The following SLC10A7 variants were observed in gnomAD, a reference collection of about 807,000 sequenced individuals.
The protein encoded by SLC10A7 is solute carrier family 10 member 7.
SLC10A7 carries 29 observed loss-of-function variants against 43.2 expected under a neutral mutation model. The ratio of observed to expected loss-of-function variants is 0.67; its 90% CI spans 0.50 to 0.92. The LOEUF is 0.92. Ranked by LOEUF, SLC10A7 falls within the 40% of genes least tolerant of loss-of-function variation. The pLI, the probability that SLC10A7 is intolerant of heterozygous loss-of-function variation, is 0.00. For missense variants in SLC10A7, 295 were observed against 403.2 expected, an observed-to-expected ratio of 0.73 and a Z score of 2.30; for synonymous variants, 152 against 144.8, an observed-to-expected ratio of 1.05 and a Z score of -0.35.
intron 4 of SLC10A7, among the ~76,000 whole-genome samples, chr4:146,481,730 G>T (rs977237152): frequency 1.3e-5 from 2 of 152,132 alleles, no homozygotes; most frequent in Non-Finnish European, 2.9e-5. Context: ...TCATGCCTTG[G>T]AGAGTGAAGT....
intron 5 of SLC10A7, among the ~76,000 whole-genome samples, chr4:146,415,234 C>T (rs565847792): frequency 1.3e-5 from 2 of 152,250 alleles, no homozygotes; most frequent in South Asian, 4.1e-4. Flanking sequence ...ATTCCTTCAG[C>T]TACATGACAT....
chr4:146,387,900 A>G (rs1204532236), intron 5 of SLC10A7, among the ~76,000 whole-genome samples: 1 of 152,176 alleles, frequency 6.6e-6, no homozygotes, highest in African/African-American at 2.4e-5. Flanking sequence ...GACAACTACA[A>G]AATACTGATG....
chr4:146,383,653 A>G (rs1737793448), intron 5 of SLC10A7, among the ~76,000 whole-genome samples: 1 of 152,040 alleles, frequency 6.6e-6, no homozygotes, highest in Non-Finnish European at 1.5e-5. Flanking sequence ...CTTTGTTCAA[A>G]CTTCCAACAG....
At chr4:146,283,093 C>T (rs1323189269) in intron 10 of SLC10A7, 99 bp downstream of exon 10, 1 of 937,014 alleles carries the variant, frequency 1.1e-6, no homozygotes, top group Admixed American at 2.0e-5. Context: ...GTGGACAACA[C>T]CCCATTCCAT....
At chr4:146,388,448 A>G (rs369639954) in intron 5 of SLC10A7, among the ~76,000 whole-genome samples, 14 of 152,234 alleles carry the variant, frequency 9.2e-5, no homozygotes, top group African/African-American at 2.6e-4. Flanking sequence ...CTTAAATGTA[A>G]AACCTGAAAC....
chr4:146,416,888 C>A (rs1728607646), intron 5 of SLC10A7, among the ~76,000 whole-genome samples: 2 of 152,100 alleles, frequency 1.3e-5, no homozygotes, highest in African/African-American at 4.8e-5. Flanking sequence ...AACACCATTT[C>A]CCCAAATATC....
At chr4:146,494,249 G>A (rs1220196872) in intron 4 of SLC10A7, among the ~76,000 whole-genome samples, 1 of 152,172 alleles carries the variant, frequency 6.6e-6, no homozygotes, top group South Asian at 2.1e-4. Flanking sequence ...AGACCACTAC[G>A]TTAGTAACGG....
chr4:146,458,044 A>T (rs1485922246), intron 4 of SLC10A7, among the ~76,000 whole-genome samples: 2 of 151,882 alleles, frequency 1.3e-5, no homozygotes, highest in Middle Eastern at 3.2e-3. Context: ...CCACAGAAGA[A>T]TAATCTTCAT....
chr4:146,423,243 A>C (rs989391654), intron 5 of SLC10A7, among the ~76,000 whole-genome samples: 2 of 152,158 alleles, frequency 1.3e-5, no homozygotes, highest in Non-Finnish European at 2.9e-5. Context: ...TAAATTAACC[A>C]AACCTGAAAA....
At chr4:146,290,867 A>C (rs1463776585) in intron 9 of SLC10A7, among the ~76,000 whole-genome samples, 2 of 152,136 alleles carry the variant, frequency 1.3e-5, no homozygotes, top group African/African-American at 4.8e-5. Context: ...CTCTAAACCA[A>C]ACCAAACCAA....
intron 4 of SLC10A7, among the ~76,000 whole-genome samples, chr4:146,468,016 A>G (rs1733207389): frequency 6.6e-6 from 1 of 152,166 alleles, no homozygotes; most frequent in Admixed American, 6.5e-5. Context: ...ATAATTTACC[A>G]TGTGAAACAG....
At chr4:146,430,782 T>G (rs1009966634) in intron 5 of SLC10A7, among the ~76,000 whole-genome samples, 12 of 152,166 alleles carry the variant, frequency 7.9e-5, no homozygotes, top group African/African-American at 2.7e-4. Context: ...GTTACTCTAG[T>G]TACTCATAGT....
chr4:146,416,880 C>T (rs1728607246), intron 5 of SLC10A7, among the ~76,000 whole-genome samples: 1 of 152,116 alleles, frequency 6.6e-6, no homozygotes, highest in Admixed American at 6.6e-5. Flanking sequence ...ATGAAACAAA[C>T]ACCATTTCCC....
At chr4:146,407,761 A>G (rs1477458618) in intron 5 of SLC10A7, among the ~76,000 whole-genome samples, 1 of 152,200 alleles carries the variant, frequency 6.6e-6, no homozygotes, top group Non-Finnish European at 1.5e-5. Context: ...AATCTAGGAT[A>G]TGACTCACTG....
At chr4:146,501,782 T>C (rs1736440422) in intron 4 of SLC10A7, among the ~76,000 whole-genome samples, 1 of 152,206 alleles carries the variant, frequency 6.6e-6, no homozygotes. Context: ...AACAGCAACC[T>C]CATCCTTGCA....
At chr4:146,487,245 T>C (rs1004362868) in intron 4 of SLC10A7, among the ~76,000 whole-genome samples, 4 of 152,220 alleles carry the variant, frequency 2.6e-5, no homozygotes, top group African/African-American at 9.6e-5. Context: ...CCCGTGAGCC[T>C]GACTCAAGCT....
At chr4:146,380,602 T>A (rs1279564958) in intron 5 of SLC10A7, among the ~76,000 whole-genome samples, 1 of 152,122 alleles carries the variant, frequency 6.6e-6, no homozygotes, top group East Asian at 1.9e-4. Flanking sequence ...GGGCACTAAA[T>A]TAGGTGTTGC....
At chr4:146,398,284 T>C (rs780260934) in intron 5 of SLC10A7, among the ~76,000 whole-genome samples, 24 of 152,196 alleles carry the variant, frequency 1.6e-4, no homozygotes, top group Admixed American at 5.2e-4. Flanking sequence ...AGTTAATAAT[T>C]ACATACACTC....
chr4:146,349,044 G>A (rs1249012946), intron 5 of SLC10A7, among the ~76,000 whole-genome samples: 2 of 152,124 alleles, frequency 1.3e-5, no homozygotes, highest in African/African-American at 4.8e-5. Flanking sequence ...GTGTAATTTA[G>A]CAAAACAGAC....
Sources: gnomAD v4.1 joint callset for allele counts (sites outside exome capture counted in the v4.1 genomes callset) on GRCh38, gnomAD v4.1.1 for gene constraint, MANE v1.5 for transcripts, NCBI Gene and HGNC (gene_info 2026-07-23, HGNC 2026-07-21) for gene names.